The following KAZN variants were observed in gnomAD, a reference collection of about 807,000 sequenced individuals.
KAZN encodes the protein kazrin.
In KAZN, 40 loss-of-function variants were observed where a neutral mutation model predicts 87.4. The ratio of observed to expected loss-of-function variants is 0.46; its 90% CI spans 0.36 to 0.60. KAZN has a LOEUF of 0.60. Ranked by LOEUF, KAZN falls within the 20% of genes least tolerant of loss-of-function variation. The pLI is 0.00. For missense variants in KAZN, 898 were observed against 1,073.9 expected, an observed-to-expected ratio of 0.84 and a Z score of 2.29; for synonymous variants, 466 against 458.3, an observed-to-expected ratio of 1.02 and a Z score of -0.22.
At chr1:14,749,141 C>T (rs1051679408) in intron 1 of KAZN, among the ~76,000 whole-genome samples, 6 of 152,130 alleles carry the variant, frequency 3.9e-5, no homozygotes, top group African/African-American at 1.2e-4. Flanking sequence ...TATTGCTTCC[C>T]GCAGCAGACA....
chr1:13,960,845 C>G (rs1033558907), intron 1 of KAZN, among the ~76,000 whole-genome samples: 1 of 152,090 alleles, frequency 6.6e-6, no homozygotes, highest in Non-Finnish European at 1.5e-5. Context: ...CTCCCCTCTC[C>G]TGGGGCTTCA....
chr1:14,823,124 T>C (rs1281620301), intron 1 of KAZN, among the ~76,000 whole-genome samples: 1 of 152,176 alleles, frequency 6.6e-6, no homozygotes, highest in Non-Finnish European at 1.5e-5. Context: ...TAGAGCAGCC[T>C]TCTGGGCATG....
At chr1:13,909,442 C>G (rs1044712119) in intron 1 of KAZN, among the ~76,000 whole-genome samples, 1 of 152,026 alleles carries the variant, frequency 6.6e-6, no homozygotes, top group African/African-American at 2.4e-5. Flanking sequence ...GAGCTCCCGT[C>G]TAGCATTGGA....
intron 2 of KAZN, among the ~76,000 whole-genome samples, chr1:14,258,543 A>C (rs528942266): frequency 6.6e-6 from 1 of 152,078 alleles, no homozygotes; most frequent in Non-Finnish European, 1.5e-5. Context: ...AAAAACACAG[A>C]GTTCAACTAT....
At chr1:15,039,243 G>A (rs1672662343) in intron 3 of KAZN, among the ~76,000 whole-genome samples, 1 of 152,104 alleles carries the variant, frequency 6.6e-6, no homozygotes, top group African/African-American at 2.4e-5. Flanking sequence ...CATTTAACAG[G>A]TGAAAACTGA....
chr1:15,007,351 G>T (rs1018403862), intron 2 of KAZN, among the ~76,000 whole-genome samples: 1 of 152,228 alleles, frequency 6.6e-6, no homozygotes, highest in African/African-American at 2.4e-5. Context: ...CCCAGAACGG[G>T]CACTCCAAAT....
chr1:14,779,575 G>C (rs1214032896), intron 1 of KAZN, among the ~76,000 whole-genome samples: 1 of 152,206 alleles, frequency 6.6e-6, no homozygotes, highest in Non-Finnish European at 1.5e-5. Context: ...AAACAAATGA[G>C]ATGTAGGTCT....
At chr1:14,760,155 A>T (rs78542268) in intron 1 of KAZN, among the ~76,000 whole-genome samples, 2 of 151,882 alleles carry the variant, frequency 1.3e-5, no homozygotes, top group Non-Finnish European at 2.9e-5. Context: ...AAACCAACCA[A>T]TGCTCGCCTG....
At chr1:14,577,783 C>G (rs1179143946) in intron 2 of KAZN, among the ~76,000 whole-genome samples, 1 of 152,166 alleles carries the variant, frequency 6.6e-6, no homozygotes, top group African/African-American at 2.4e-5. Flanking sequence ...TTTTTCACAT[C>G]CAGCAACACT....
At chr1:15,044,237 C>A (rs1208772347) in intron 4 of KAZN, 78 bp downstream of exon 4, 8 of 900,368 alleles carry the variant, frequency 8.9e-6, no homozygotes, top group African/African-American at 8.6e-5. Flanking sequence ...CTGGCACCGA[C>A]TCACATCGGA....
chr1:13,910,101 T>C (rs1387456425), intron 1 of KAZN, among the ~76,000 whole-genome samples: 1 of 152,156 alleles, frequency 6.6e-6, no homozygotes, highest in Non-Finnish European at 1.5e-5. Flanking sequence ...ATGTTGGAAG[T>C]GTGGCCTGGG....
intron 2 of KAZN, among the ~76,000 whole-genome samples, chr1:14,441,309 TG>T (rs1666690266): frequency 1.3e-5 from 2 of 152,070 alleles, no homozygotes; most frequent in African/African-American, 4.8e-5. Flanking sequence ...AAAGTTATGC[TG>T]AACTTCCATT....
chr1:14,796,631 G>A (rs555204518), intron 1 of KAZN, among the ~76,000 whole-genome samples: 5 of 152,228 alleles, frequency 3.3e-5, no homozygotes, highest in Non-Finnish European at 5.9e-5. Flanking sequence ...TCTATGTATC[G>A]CCGTATTTTG....
chr1:14,081,951 A>G (rs967385570), intron 1 of KAZN, among the ~76,000 whole-genome samples: 3 of 151,720 alleles, frequency 2.0e-5, no homozygotes, highest in Non-Finnish European at 4.4e-5. Context: ...TTTTATTTTT[A>G]TTTTTGTAGA....
rs1395618970 is a variant in KAZN, at chr1:13,971,811, ATTG to A, written c.91+78060_91+78062del. On this transcript the variant is annotated intron_variant, in intron 1 of 16. Transcript: ENST00000636203. ...CTTGGTACTGTCCTCATGATAGTGAATTGTTGTAAGATCTGGTTGTTTAAAAGT... is the reference window on the plus strand; with the variant it reads ...CTTGGTACTGTCCTCATGATAGTGAATTGTAAGATCTGGTTGTTTAAAAGT... Among the ~76,000 whole-genome samples, 4 of 152,250 alleles carry A rather than the reference ATTG, an allele frequency of 2.6e-5. No individual in the cohort carries two copies. The East Asian group carries it at 5.8e-4, about 22-fold the overall frequency.
At chr1:15,072,485 G>A (rs915711064) in intron 8 of KAZN, among the ~76,000 whole-genome samples, 1 of 152,188 alleles carries the variant, frequency 6.6e-6, no homozygotes, top group Non-Finnish European at 1.5e-5. Flanking sequence ...ACAGCATTCT[G>A]TCTTTCTGAG....
At chr1:13,970,899 C>T (rs554389034) in intron 1 of KAZN, among the ~76,000 whole-genome samples, 2 of 152,270 alleles carry the variant, frequency 1.3e-5, no homozygotes, top group South Asian at 4.1e-4. Context: ...AAGAAAAGAC[C>T]TTCAGGCATA....
chr1:13,936,565 C>T (rs1055721495), intron 1 of KAZN, among the ~76,000 whole-genome samples: 2 of 152,160 alleles, frequency 1.3e-5, no homozygotes, highest in Admixed American at 6.5e-5. Flanking sequence ...TCTGTTTTCC[C>T]ACTGTTTATG....
chr1:14,068,562 C>T (rs1263892135), intron 1 of KAZN, among the ~76,000 whole-genome samples: 3 of 152,118 alleles, frequency 2.0e-5, no homozygotes, highest in Admixed American at 2.0e-4. Flanking sequence ...AACCATTGGC[C>T]TAATCCATTG....
Sources: allele counts gnomAD v4.1 joint callset (sites outside exome capture counted in the v4.1 genomes callset), GRCh38; gene constraint gnomAD v4.1.1; transcripts MANE v1.5; gene names NCBI Gene and HGNC (gene_info 2026-07-23, HGNC 2026-07-21).